ALK: variants seen among roughly 807,000 people sequenced by gnomAD.
ALK encodes the protein ALK receptor tyrosine kinase.
Under a neutral mutation model 163.1 loss-of-function variants are expected in ALK, and 74 were observed. That is an observed-to-expected ratio of 0.45 (90% CI 0.38 to 0.55). The LOEUF is 0.55. ALK is among the 20% of genes least tolerant of loss of function. The pLI, the probability that ALK is intolerant of heterozygous loss-of-function variation, is 0.00. For missense variants in ALK, 2,063 were observed against 2,105.3 expected (o/e 0.98, Z 0.39); for synonymous variants, 960 against 843.2 (o/e 1.14, Z -2.40).
Position 29,196,801 on chromosome 2 carries a change from A to C in ALK, c.4133T>G (p.Ile1378Ser), listed in dbSNP as rs762008602. ...HQPEDRPNFA[I>S]ILERIEYCTQ... is the part of the protein sequence containing the mutation. Reference sequence around the variant, plus strand: ...GCAGTATTCAATCCTCTCCAAAATGATGGCAAAGTTGGGCCTGTCTTCAGG... The same window carrying C: ...GCAGTATTCAATCCTCTCCAAAATGCTGGCAAAGTTGGGCCTGTCTTCAGG... Residue 1378 changes from isoleucine (I) to serine (S), a missense_variant, in exon 28 of 29, where the codon ATC becomes AGC. By Grantham distance (142) the Ile-to-Ser change is moderately radical. This residue lies in a region of ALK where 403 missense variants were observed against 366.2 expected (regional missense o/e 1.10). Coordinates refer to ENST00000389048, the MANE Select transcript of ALK (RefSeq NM_004304.5). The C allele has an allele frequency of 3.7e-6, 6 of 1,614,200 alleles. No homozygotes were observed. The South Asian group carries it at 6.6e-5, about 18-fold the overall frequency.
intron 3 of ALK, among the ~76,000 whole-genome samples, chr2:29,570,628 A>G (rs928556391): frequency 6.6e-6 from 1 of 152,184 alleles, no homozygotes; most frequent in African/African-American, 2.4e-5. Context: ...CTCTCTTAGA[A>G]CTTGTTAAAT....
chr2:29,436,293 G>A (rs1039476212), intron 4 of ALK, among the ~76,000 whole-genome samples: 1 of 152,136 alleles, frequency 6.6e-6, no homozygotes, highest in Non-Finnish European at 1.5e-5. Flanking sequence ...AGCTGATATT[G>A]CCACATGCTC....
rs758016860 is a variant in ALK at position 29,920,612 on chromosome 2, C to T, written c.48G>A (p.Thr16=). 8 of 1,552,340 alleles carry T rather than the reference C, an allele frequency of 5.2e-6. No homozygotes were observed. The South Asian group carries it at 9.4e-5, about 18-fold the overall frequency. ...LLWLLPLLLS[T]AAVGSGMGTG... is the part of the protein sequence containing the mutation. ...TCCCCATCCCGGAGCCCACAGCTGCCGTGGAAAGCAGCAGCGGCAGGAGCC... is the reference window on the plus strand; with the variant it reads ...TCCCCATCCCGGAGCCCACAGCTGCTGTGGAAAGCAGCAGCGGCAGGAGCC... The change falls in exon 1 of 29, where the codon ACG becomes ACA. Residue 16 remains threonine (T), a synonymous_variant. Transcript: ENST00000389048.
intron 3 of ALK, among the ~76,000 whole-genome samples, chr2:29,580,051 G>A (rs1008927375): frequency 6.6e-6 from 1 of 152,124 alleles, no homozygotes; most frequent in Admixed American, 6.5e-5. Context: ...AATTTATAAC[G>A]CAGAAATTGG....
rs562312958 is a variant in ALK at position 29,521,040 on chromosome 2, C to A, written c.1154+10875G>T. ...AGAATGAACAGCACAATGCAAAATA[C>A]CAATTTGACTGTGGGTTCTCCTTCA... On this transcript the variant is annotated intron_variant, in intron 4 of 28. Transcript: ENST00000389048. Among the ~76,000 whole-genome samples the A allele has an allele frequency of 7.2e-5, 11 of 152,242 alleles. No homozygotes were observed. In the South Asian group the frequency reaches 2.3e-3, roughly 32 times the overall value.
At chr2:29,563,743 A>ATGGGGGGAGTTAAGTTTATAGTTT (rs1238102985) in intron 3 of ALK, among the ~76,000 whole-genome samples, 2 of 152,210 alleles carry the variant, frequency 1.3e-5, no homozygotes, top group African/African-American at 4.8e-5. Context: ...CAAATGAACT[A>ATGGGGGGAGTTAAGTTTATAGTTT]TGGGGGGAGT....
intron 3 of ALK, among the ~76,000 whole-genome samples, chr2:29,660,852 C>T (rs922089880): frequency 2.0e-5 from 3 of 152,032 alleles, no homozygotes; most frequent in African/African-American, 4.8e-5. Flanking sequence ...TGTGATTAAA[C>T]GACCCTCCCC....
At chr2:29,857,952 C>T (rs12616992) in intron 1 of ALK, among the ~76,000 whole-genome samples, 38,438 of 152,134 alleles carry the variant, frequency 0.25, 5,683 homozygotes, top group East Asian at 0.5. Context: ...GTAACATCTT[C>T]GTAACTTTAG....
Position 29,223,330 on chromosome 2 carries a change from C to T in ALK, c.3359+12G>A, listed in dbSNP as rs2148170566. The T allele has an allele frequency of 6.2e-7, 1 of 1,613,906 alleles. No homozygotes were observed. The highest frequency in any genetic ancestry group is 8.5e-7 in the Non-Finnish European group (1 of 1,179,966). The stretch of plus-strand genomic sequence containing the variant: ...CACCCCTCTCCTCCCAGGACGGCAG[C>T]AGGGCGCTCACCGAATGAGGGTGAT... On this transcript the variant is annotated intron_variant, in intron 20 of 28. Transcript: ENST00000389048.
chr2:29,243,557 A>G (rs1357787453), intron 12 of ALK, among the ~76,000 whole-genome samples: 1 of 152,198 alleles, frequency 6.6e-6, no homozygotes, highest in Non-Finnish European at 1.5e-5. Context: ...TCTGGGAGGC[A>G]GAAGGGGACC....
At chr2:29,411,478 CTTTTTT>C (rs1669724103) in intron 4 of ALK, among the ~76,000 whole-genome samples, 1 of 151,524 alleles carries the variant, frequency 6.6e-6, no homozygotes, top group Non-Finnish European at 1.5e-5. Context: ...AAACCTTTTT[CTTTTTT>C]AAGAAAAAAA....
intron 5 of ALK, among the ~76,000 whole-genome samples, chr2:29,372,725 C>T (rs1297567784): frequency 1.3e-5 from 2 of 152,236 alleles, no homozygotes; most frequent in East Asian, 3.8e-4. Flanking sequence ...AGTCCTATAT[C>T]TTCTTTCCAC....
At chr2:29,361,566 T>G (rs561799803) in intron 5 of ALK, among the ~76,000 whole-genome samples, 2 of 152,358 alleles carry the variant, frequency 1.3e-5, no homozygotes, top group African/African-American at 4.8e-5. Flanking sequence ...TGGTTCTGAC[T>G]CAGCTGTGAC....
chr2:29,801,012 G>T (rs570006611), intron 1 of ALK, among the ~76,000 whole-genome samples: 5 of 152,194 alleles, frequency 3.3e-5, no homozygotes, highest in African/African-American at 1.2e-4. Flanking sequence ...ACTGTGAGGG[G>T]CAGAGCAACC....
intron 3 of ALK, among the ~76,000 whole-genome samples, chr2:29,631,438 T>C (rs1676371566): frequency 6.6e-6 from 1 of 152,200 alleles, no homozygotes; most frequent in Non-Finnish European, 1.5e-5. Context: ...ACAGTGAGCA[T>C]GGAAATGGGC....
chr2:29,713,053 C>A (rs759291950), intron 2 of ALK, among the ~76,000 whole-genome samples: 7 of 152,280 alleles, frequency 4.6e-5, no homozygotes, highest in Middle Eastern at 3.4e-3. Context: ...CTCTCTGAAG[C>A]ACTAAAGAAG....
At chr2:29,385,060 T>G (rs1174554704) in intron 4 of ALK, among the ~76,000 whole-genome samples, 1 of 151,480 alleles carries the variant, frequency 6.6e-6, no homozygotes, top group Non-Finnish European at 1.5e-5. Context: ...AAAAAGTGTA[T>G]GATTTGATGG....
At chr2:29,629,895 A>G (rs986392630) in intron 3 of ALK, among the ~76,000 whole-genome samples, 3 of 152,198 alleles carry the variant, frequency 2.0e-5, no homozygotes, top group African/African-American at 4.8e-5. Flanking sequence ...CATGAAGCCA[A>G]TTGGAAGTAA....
intron 1 of ALK, among the ~76,000 whole-genome samples, chr2:29,793,611 G>A (rs1020771985): frequency 1.4e-4 from 21 of 152,130 alleles, no homozygotes; most frequent in African/African-American, 4.3e-4. Flanking sequence ...ATGGATTGCA[G>A]AAAGGATGCT....
Sources: gnomAD v4.1 joint callset for allele counts (sites outside exome capture counted in the v4.1 genomes callset) on GRCh38, gnomAD v4.1.1 for gene constraint, gnomAD v4.1.1 regional missense constraint, MANE v1.5 for transcripts, NCBI Gene and HGNC (gene_info 2026-07-23, HGNC 2026-07-21) for gene names.